The following ENOX1 variants were observed in gnomAD, a reference collection of about 807,000 sequenced individuals.
ENOX1 encodes ecto-NOX disulfide-thiol exchanger 1, also known as candidate growth-related and time keeping constitutive hydroquinone (NADH) oxidase.
A neutral mutation model predicts 82.5 loss-of-function variants in ENOX1; 42 were observed. The ratio of observed to expected loss-of-function variants is 0.51; its 90% CI spans 0.40 to 0.66. ENOX1 has a LOEUF of 0.66. ENOX1 is among the 30% of genes least tolerant of loss of function. The pLI, the probability that ENOX1 is intolerant of heterozygous loss-of-function variation, is 0.00. For synonymous variants in ENOX1, 271 were observed against 282.2 expected (o/e 0.96, Z 0.40); for missense variants, 608 against 811.6 (o/e 0.75, Z 3.05).
chr13:43,422,999 A>G (rs1364291839), intron 3 of ENOX1, among the ~76,000 whole-genome samples: 1 of 152,180 alleles, frequency 6.6e-6, no homozygotes, highest in Admixed American at 6.5e-5. Flanking sequence ...GATTGGTACC[A>G]TCGGAGGTTT....
At chr13:43,780,138 G>A (rs1161163567) in intron 1 of ENOX1, among the ~76,000 whole-genome samples, 3 of 150,568 alleles carry the variant, frequency 2.0e-5, no homozygotes, top group African/African-American at 4.9e-5. Flanking sequence ...TCCAGCCTGG[G>A]CGACAGAGCG....
At chr13:43,344,900 T>C in intron 8 of ENOX1, 150 bp from the exon 9 acceptor site, 2 of 738,424 alleles carry the variant, frequency 2.7e-6, no homozygotes, top group Non-Finnish European at 4.4e-6. Context: ...GACTGCCATA[T>C]CATCACTTAA....
intron 9 of ENOX1, among the ~76,000 whole-genome samples, chr13:43,329,547 A>G (rs1256463678): frequency 2.0e-5 from 3 of 152,168 alleles, no homozygotes; most frequent in African/African-American, 7.2e-5. Flanking sequence ...GAGCTGAAAT[A>G]TGGATTAGGG....
chr13:43,266,004 C>T (rs1245852859), intron 13 of ENOX1, among the ~76,000 whole-genome samples: 2 of 152,194 alleles, frequency 1.3e-5, no homozygotes, highest in Non-Finnish European at 1.5e-5. Flanking sequence ...TCCTTGGCCG[C>T]TGAGGCATTA....
At chr13:43,538,308 A>G (rs540984556) in intron 2 of ENOX1, among the ~76,000 whole-genome samples, 156 of 152,324 alleles carry the variant, frequency 1.0e-3, no homozygotes, top group African/African-American at 3.6e-3. Flanking sequence ...CACAGGTCTG[A>G]ATAAGGCTAG....
chr13:43,527,754 T>C (rs1819383564), intron 2 of ENOX1, among the ~76,000 whole-genome samples: 2 of 152,160 alleles, frequency 1.3e-5, no homozygotes, highest in African/African-American at 4.8e-5. Flanking sequence ...GCAATGTCTA[T>C]ACCAGAATTA....
At chr13:43,670,050 A>T (rs2085181626) in intron 1 of ENOX1, among the ~76,000 whole-genome samples, 2 of 152,098 alleles carry the variant, frequency 1.3e-5, no homozygotes, top group African/African-American at 4.8e-5. Flanking sequence ...CCCTCCTGGA[A>T]TGACTGAAAC....
At chr13:43,694,725 G>A (rs988091088) in intron 1 of ENOX1, among the ~76,000 whole-genome samples, 8 of 152,158 alleles carry the variant, frequency 5.3e-5, no homozygotes, top group African/African-American at 1.9e-4. Context: ...GCAGTCACTG[G>A]CTGCAAGGGA....
intron 1 of ENOX1, among the ~76,000 whole-genome samples, chr13:43,695,867 G>A (rs570774359): frequency 2.6e-4 from 39 of 152,042 alleles, no homozygotes; most frequent in Middle Eastern, 6.8e-3. Context: ...CACAGAGTTC[G>A]GCAATTATCA....
chr13:43,241,162 A>G (rs1055912075), intron 14 of ENOX1, among the ~76,000 whole-genome samples: 1 of 152,192 alleles, frequency 6.6e-6, no homozygotes, highest in African/African-American at 2.4e-5. Context: ...CCTTTCTTAA[A>G]AAGTTCATGG....
Position 43,786,944 on chromosome 13 carries a change from C to CTA in ENOX1, c.-578_-577insTA. Reference sequence around the variant, plus strand: ...TGGAGACTCCGCGGCTGGAGGCGCGCGGGCGTGCGCACGCGCGCCTGCGAG... The same window carrying CTA: ...TGGAGACTCCGCGGCTGGAGGCGCGCTAGGGCGTGCGCACGCGCGCCTGCGAG... On this transcript the variant is annotated 5_prime_UTR_variant, in exon 1 of 17. Transcript: ENST00000690772. This position sits in a 1 kb window ranked among gnomAD's most constrained non-coding sequence, Gnocchi z 6.0. 6.6e-6 allele frequency: 1 copy of CTA among 150,496 alleles called. No homozygotes were observed. The highest frequency in any genetic ancestry group is 1.5e-5 in the Non-Finnish European group (1 of 67,570). 9.3% of individuals were successfully genotyped at this position (150,496 alleles called of 1,614,324 possible).
intron 1 of ENOX1, among the ~76,000 whole-genome samples, chr13:43,699,059 A>G (rs1227551294): frequency 6.6e-6 from 1 of 152,202 alleles, no homozygotes; most frequent in Non-Finnish European, 1.5e-5. Flanking sequence ...CTAATTCTGG[A>G]GCTTGTGCAG....
At chr13:43,619,055 A>G (rs1189992347) in intron 2 of ENOX1, among the ~76,000 whole-genome samples, 2 of 142,934 alleles carry the variant, frequency 1.4e-5, no homozygotes, top group Non-Finnish European at 3.0e-5. Context: ...CTGTTGGTGT[A>G]TGGAAGAACT....
chr13:43,280,747 CTTTG>C (rs1566410252), intron 12 of ENOX1, among the ~76,000 whole-genome samples: 1 of 152,176 alleles, frequency 6.6e-6, no homozygotes, highest in African/African-American at 2.4e-5. Context: ...CCCAATTTTT[CTTTG>C]TTAATACAAG....
At chr13:43,381,535 A>T (rs1488661116) in intron 5 of ENOX1, among the ~76,000 whole-genome samples, 1 of 151,436 alleles carries the variant, frequency 6.6e-6, no homozygotes, top group Non-Finnish European at 1.5e-5. Context: ...AAAAAAAATT[A>T]AGAACAGGAA....
At chr13:43,411,482 A>G (rs1344756539) in intron 5 of ENOX1, among the ~76,000 whole-genome samples, 1 of 152,226 alleles carries the variant, frequency 6.6e-6, no homozygotes, top group Non-Finnish European at 1.5e-5. Flanking sequence ...CAATGCTGGA[A>G]AAGTCACCGA....
At chr13:43,462,308 G>A (rs2057522665) in intron 3 of ENOX1, among the ~76,000 whole-genome samples, 1 of 152,106 alleles carries the variant, frequency 6.6e-6, no homozygotes, top group Non-Finnish European at 1.5e-5. Context: ...CTTTGCCTAC[G>A]AAAATAGTTA....
At chr13:43,672,926 C>T (rs2085335555) in intron 1 of ENOX1, among the ~76,000 whole-genome samples, 1 of 152,020 alleles carries the variant, frequency 6.6e-6, no homozygotes, top group Non-Finnish European at 1.5e-5. Context: ...CATTGAAGGA[C>T]AGCAAAAAGT....
At position 43,518,870 on chromosome 13, in the gene ENOX1, T is replaced by C. The variant is rs2077656082; in HGVS notation, c.-218-34718A>G. On this transcript the variant is annotated intron_variant, in intron 2 of 16. Transcript: ENST00000690772. Reference sequence around the variant, plus strand: ...CATGTGTAATACACACACTCCACAGTGTCCACATGGAAGAATTTAAAAGTA... The same window carrying C: ...CATGTGTAATACACACACTCCACAGCGTCCACATGGAAGAATTTAAAAGTA... Among the ~76,000 whole-genome samples the C allele has an allele frequency of 2.0e-5, 3 of 152,288 alleles. No homozygotes were observed. The South Asian group carries it at 6.2e-4, about 32-fold the overall frequency.
Sources: allele counts gnomAD v4.1 joint callset (sites outside exome capture counted in the v4.1 genomes callset), GRCh38; gene constraint gnomAD v4.1.1; non-coding constraint Gnocchi (gnomAD v3.1); transcripts MANE v1.5; gene names NCBI Gene and HGNC (gene_info 2026-07-23, HGNC 2026-07-21).